The following XKR6 variants were observed in gnomAD, a reference collection of about 807,000 sequenced individuals.
The protein encoded by XKR6 is XK-related protein 6.
A neutral mutation model predicts 56.7 loss-of-function variants in XKR6; 22 were observed. The observed-to-expected ratio is 0.39, with a 90% confidence interval of 0.28 to 0.55. The LOEUF (loss-of-function observed/expected upper bound fraction) is 0.55, where lower values mean the gene tolerates loss of function less well. Ranked by LOEUF, XKR6 falls within the 20% of genes least tolerant of loss-of-function variation. The pLI, the probability that XKR6 is intolerant of heterozygous loss-of-function variation, is 0.66. For synonymous variants in XKR6, 524 were observed against 387.8 expected (o/e 1.35, Z -4.13); for missense variants, 852 against 889.0 (o/e 0.96, Z 0.53).
At chr8:10,993,147 C>T (rs904580011) in intron 1 of XKR6, among the ~76,000 whole-genome samples, 1 of 152,260 alleles carries the variant, frequency 6.6e-6, no homozygotes, top group Non-Finnish European at 1.5e-5. Context: ...ATTTTAAGGA[C>T]AAGCTCCAGT....
chr8:11,099,961 T>C (rs532650167), intron 1 of XKR6, among the ~76,000 whole-genome samples: 1 of 152,222 alleles, frequency 6.6e-6, no homozygotes, highest in East Asian at 1.9e-4. Flanking sequence ...GCAAGGGCCC[T>C]GAGGCACGGG....
intron 1 of XKR6, among the ~76,000 whole-genome samples, chr8:11,191,049 C>T (rs1341731910): frequency 6.6e-6 from 1 of 152,212 alleles, no homozygotes; most frequent in Non-Finnish European, 1.5e-5. Flanking sequence ...TCCTCTCCAA[C>T]AACTAAACTA....
At chr8:10,946,815 A>G (rs1310169007) in intron 1 of XKR6, among the ~76,000 whole-genome samples, 1 of 152,160 alleles carries the variant, frequency 6.6e-6, no homozygotes, top group African/African-American at 2.4e-5. Flanking sequence ...ACAGCAGGAA[A>G]GGCTTCTAAT....
Position 11,178,901 on chromosome 8 carries a change from G to A in XKR6, c.764+21675C>T, listed in dbSNP as rs532728506. ...CCCAGGTTGGAGAGTAGAGTGCAGTGGCACAATCACAGCTCACTGCAGCCT... is the reference window on the plus strand; with the variant it reads ...CCCAGGTTGGAGAGTAGAGTGCAGTAGCACAATCACAGCTCACTGCAGCCT... On this transcript the variant is annotated intron_variant, in intron 1 of 2. Transcript: ENST00000416569. Among the ~76,000 whole-genome samples, 26 of 151,580 alleles carry A rather than the reference G, an allele frequency of 1.7e-4. 1 individual carries two copies. In the South Asian group the frequency reaches 5.2e-3, roughly 30 times the overall value.
At chr8:11,090,365 G>A (rs945094312) in intron 1 of XKR6, among the ~76,000 whole-genome samples, 1 of 151,790 alleles carries the variant, frequency 6.6e-6, no homozygotes, top group Non-Finnish European at 1.5e-5. Context: ...TGGGATTACA[G>A]GTGTGAGCCA....
intron 1 of XKR6, among the ~76,000 whole-genome samples, chr8:10,955,394 T>C (rs191056169): frequency 1.8e-4 from 27 of 152,278 alleles, no homozygotes; most frequent in African/African-American, 6.5e-4. Context: ...TTATCCAGGC[T>C]AGCCTTGAAC....
intron 1 of XKR6, among the ~76,000 whole-genome samples, chr8:10,947,090 T>A (rs953128064): frequency 1.3e-5 from 2 of 152,110 alleles, no homozygotes; most frequent in Admixed American, 1.3e-4. Flanking sequence ...TCACTCTGGC[T>A]GCAGCTAAGG....
chr8:11,176,600 C>G (rs1802668751), intron 1 of XKR6, among the ~76,000 whole-genome samples: 2 of 152,052 alleles, frequency 1.3e-5, no homozygotes, highest in African/African-American at 4.8e-5. Flanking sequence ...CACAGCATTC[C>G]TCATCCCCCA....
At chr8:10,965,995 C>T (rs947073244) in intron 1 of XKR6, among the ~76,000 whole-genome samples, 2 of 152,220 alleles carry the variant, frequency 1.3e-5, no homozygotes, top group African/African-American at 4.8e-5. Context: ...GAAGACTGAG[C>T]TGGGATCCTT....
intron 1 of XKR6, chr8:11,114,132 G>A: frequency 2.4e-6 from 1 of 418,850 alleles, no homozygotes; most frequent in Middle Eastern, 3.6e-4. Context: ...AATGAGCATG[G>A]AATGAAATCT....
At chr8:11,043,552 G>A (rs1421194494) in intron 1 of XKR6, among the ~76,000 whole-genome samples, 1 of 152,238 alleles carries the variant, frequency 6.6e-6, no homozygotes, top group Non-Finnish European at 1.5e-5. Context: ...AGAGCCCCTG[G>A]AGGGCAGGCA....
intron 1 of XKR6, among the ~76,000 whole-genome samples, chr8:11,149,611 G>A (rs549358393): frequency 1.2e-4 from 18 of 150,260 alleles, no homozygotes; most frequent in African/African-American, 3.9e-4. Flanking sequence ...TATGCTTCAC[G>A]TTAAAAAAAA....
chr8:11,126,692 G>T (rs867704994), intron 1 of XKR6, among the ~76,000 whole-genome samples: 2 of 152,120 alleles, frequency 1.3e-5, no homozygotes, highest in African/African-American at 2.4e-5. Context: ...ATCTATTAAT[G>T]AACAGAGCCA....
In XKR6 at chr8:11,116,408, T is replaced by C. The variant is rs1193668892; in HGVS notation, c.764+84168A>G. On this transcript the variant is annotated intron_variant, in intron 1 of 2. Coordinates refer to ENST00000416569, the MANE Select transcript of XKR6 (RefSeq NM_173683.4). ...TTTTTGAGACAAGAGTCTTGCTCTGTTATGCAGGCTGGAATGCAGTGACAC... is the reference window on the plus strand; with the variant it reads ...TTTTTGAGACAAGAGTCTTGCTCTGCTATGCAGGCTGGAATGCAGTGACAC... 2.6e-5 allele frequency among the ~76,000 whole-genome samples: 4 copies of C among 152,310 alleles called. No individual in the cohort carries two copies. In the East Asian group the frequency reaches 7.7e-4, roughly 29 times the overall value.
In XKR6 at chr8:11,201,093, G is replaced by T. The variant is rs970451976; in HGVS notation, c.247C>A (p.Arg83Ser). The T allele has an allele frequency of 1.5e-5, 21 of 1,400,400 alleles. No homozygotes were observed. The highest frequency in any genetic ancestry group is 5.7e-5 in the Admixed American group (2 of 34,958). The allele number at this position is 1,400,400 out of a possible 1,614,324, so 86.7% of individuals were successfully genotyped here. A position where few individuals can be genotyped will look rare whatever the true frequency, so the allele number is the denominator to read the frequency against. Residue 83 changes from arginine to serine, a missense_variant, in exon 1 of 3, where the codon CGC becomes AGC. Transcript: ENST00000416569. ...CCCCCGTCGGCGGCGGCGCTGCGGC[G>T]CGGCTTCCTGCCCAGGAGGGAGCGC... ...CLRSLLGRKP[R>S]RSAAADGGDQ...
chr8:11,079,241 G>A (rs1042045266), intron 1 of XKR6, among the ~76,000 whole-genome samples: 3 of 152,256 alleles, frequency 2.0e-5, no homozygotes, highest in African/African-American at 7.2e-5. Flanking sequence ...GCAAGAGGAA[G>A]TGTGTGTGTC....
intron 1 of XKR6, among the ~76,000 whole-genome samples, chr8:11,193,903 A>C (rs1803723530): frequency 6.6e-6 from 1 of 152,232 alleles, no homozygotes; most frequent in Non-Finnish European, 1.5e-5. Flanking sequence ...GTTTAATTTT[A>C]GCTGAAATTG....
intron 1 of XKR6, among the ~76,000 whole-genome samples, chr8:10,990,895 C>CTTTTTTTT (rs59410799): frequency 9.5e-5 from 7 of 73,598 alleles, no homozygotes; most frequent in African/African-American, 2.4e-4. Flanking sequence ...TGGGGAATGT[C>CTTTTTTTT]TTTTTTTTTT....
intron 1 of XKR6, among the ~76,000 whole-genome samples, chr8:11,000,344 CATA>C (rs1176587337): frequency 3.3e-5 from 5 of 152,206 alleles, no homozygotes; most frequent in Non-Finnish European, 5.9e-5. Context: ...AGCAATGCAT[CATA>C]ATATGTTGTT....
Sources: allele counts gnomAD v4.1 joint callset (sites outside exome capture counted in the v4.1 genomes callset), GRCh38; gene constraint gnomAD v4.1.1; transcripts MANE v1.5; gene names NCBI Gene and HGNC (gene_info 2026-07-23, HGNC 2026-07-21).